The following MED12L variants were observed in gnomAD, a reference collection of about 807,000 sequenced individuals.
MED12L encodes mediator of RNA polymerase II transcription subunit 12-like protein.
In MED12L, 60 loss-of-function variants were observed where a neutral mutation model predicts 281.3. The ratio of observed to expected loss-of-function variants is 0.21; its 90% CI spans 0.17 to 0.26. The LOEUF (loss-of-function observed/expected upper bound fraction) is 0.26. MED12L is among the 10% of genes least tolerant of loss of function. The pLI, the probability that MED12L is intolerant of heterozygous loss-of-function variation, is 1.00. For synonymous variants in MED12L, 974 were observed against 987.2 expected (o/e 0.99, Z 0.25); for missense variants, 2,146 against 2,680.9 (o/e 0.80, Z 4.41).
chr3:151,182,351 AT>A (rs1722806898), intron 11 of MED12L, among the ~76,000 whole-genome samples: 2 of 151,874 alleles, frequency 1.3e-5, no homozygotes, highest in African/African-American at 2.4e-5. Flanking sequence ...GAGTGGCTTT[AT>A]TCATGATGTT....
rs1560160914 is a variant in MED12L at position 151,433,650 on chromosome 3, A to T, written c.*846A>T. On this transcript the variant is annotated 3_prime_UTR_variant, in exon 45 of 45. Transcript: ENST00000687756. ...TTATTGCCAGTTTTGGTTCTCCTGA[A>T]CCTTATGCCACCTTAAGGGGAAAAA... 6.6e-6 allele frequency: 1 copy of T among 152,406 alleles called. No individual in the cohort carries two copies. The allele number at this position is 152,406 out of a possible 1,614,324, so 9.4% of individuals were successfully genotyped here.
Position 151,188,400 on chromosome 3 carries a change from C to T in MED12L, c.1673C>T (p.Ser558Leu). ...EVLDEKESIS[S>L]SSLAGSSLPV... is the part of the protein sequence containing the mutation. ...TTAGATGAGAAGGAGTCTATTTCTTCATCCTCTCTTGCTGGATCCAGTTTG... is the reference window on the plus strand; with the variant it reads ...TTAGATGAGAAGGAGTCTATTTCTTTATCCTCTCTTGCTGGATCCAGTTTG... The change falls in exon 13 of 45, where the codon TCA (serine) becomes TTA (leucine). Residue 558 changes from serine (S) to leucine (L), a missense_variant. Coordinates refer to ENST00000687756, the MANE Select transcript of MED12L (RefSeq NM_001393769.1). The T allele has an allele frequency of 6.2e-7, 1 of 1,611,338 alleles. No individual in the cohort carries two copies.
Position 151,087,016 on chromosome 3 carries a change from G to A in MED12L, c.90G>A (p.Lys30=), listed in dbSNP as rs775096074. Residue 30 remains lysine, a synonymous_variant, in exon 2 of 45, where the codon AAG becomes AAA. Transcript: ENST00000687756. Reference sequence around the variant, plus strand: ...CCGACGTCTACCCACAGGACCCCAAGCAGAAGGAGGTAAGGGCGCCGGCGG... The same window carrying A: ...CCGACGTCTACCCACAGGACCCCAAACAGAAGGAGGTAAGGGCGCCGGCGG... ...GPPDVYPQDP[K]QKEDELTAVN... is the part of the protein sequence containing the mutation. 31 of 1,608,414 alleles carry A rather than the reference G, an allele frequency of 1.9e-5. No homozygotes were observed. Among genetic ancestry groups the A allele is most frequent in the Non-Finnish European group, 2.5e-5 (30 of 1,178,244 alleles).
At chr3:151,119,940 C>T (rs12637362) in intron 3 of MED12L, among the ~76,000 whole-genome samples, 2,454 of 151,704 alleles carry the variant, frequency 0.016, 44 homozygotes, top group African/African-American at 0.049. Context: ...TATTTCTGGC[C>T]GTGTGTGGTG....
At chr3:151,383,422 C>T (rs1217484261) in intron 33 of MED12L, among the ~76,000 whole-genome samples, 1 of 152,172 alleles carries the variant, frequency 6.6e-6, no homozygotes, top group Non-Finnish European at 1.5e-5. Flanking sequence ...CACAAAGATG[C>T]AGATAATTGG....
chr3:151,328,456 A>T, intron 16 of MED12L: 1 of 1,613,904 alleles, frequency 6.2e-7, no homozygotes, highest in Non-Finnish European at 8.5e-7. Context: ...TCAGCCCCAG[A>T]GGCCCCTTTA....
intron 16 of MED12L, among the ~76,000 whole-genome samples, chr3:151,262,836 C>T (rs1739151753): frequency 6.6e-6 from 1 of 152,048 alleles, no homozygotes; most frequent in South Asian, 2.1e-4. Flanking sequence ...AACCTGATAG[C>T]TTCTATATAA....
In MED12L at chr3:151,368,662, T is replaced by TTCATG. The variant is rs796882035; in HGVS notation, c.3550+415_3550+416insGTCAT. Among the ~76,000 whole-genome samples, 218 of 52,358 alleles carry TTCATG rather than the reference T, an allele frequency of 4.2e-3. 4 individuals are homozygous for TTCATG. Among genetic ancestry groups the TTCATG allele is most frequent in the South Asian group, 9.6e-3 (12 of 1,254 alleles). The allele number at this position is 52,358 out of a possible 152,430, so 34.3% of individuals were successfully genotyped here. Reference sequence around the variant, plus strand: ...TTCATTTCATTTCATTTCATTTCATTTCATTTCATTTCATGTCATTTCATT... The same window carrying TTCATG: ...TTCATTTCATTTCATTTCATTTCATTTCATGTCATTTCATTTCATGTCATTTCATT... On this transcript the variant is annotated intron_variant, in intron 25 of 44. Transcript: ENST00000687756.
intron 16 of MED12L, chr3:151,294,756 A>T (rs755121541): frequency 6.2e-7 from 1 of 1,614,190 alleles, no homozygotes; most frequent in Non-Finnish European, 8.5e-7. Context: ...ACCCAAACAC[A>T]AACAGATAAA....
chr3:151,180,095 TA>T (rs1158829226), intron 11 of MED12L, among the ~76,000 whole-genome samples: 1 of 152,234 alleles, frequency 6.6e-6, no homozygotes, highest in East Asian at 1.9e-4. Context: ...CATAACTTTT[TA>T]TAGGCATAAT....
At chr3:151,280,421 C>CT in intron 16 of MED12L, among the ~76,000 whole-genome samples, 1 of 152,292 alleles carries the variant, frequency 6.6e-6, no homozygotes, top group Non-Finnish European at 1.5e-5. Flanking sequence ...CCACCTTTTT[C>CT]TTAATAGACA....
chr3:151,211,520 TG>T (rs1727162059), intron 16 of MED12L, among the ~76,000 whole-genome samples: 1 of 152,212 alleles, frequency 6.6e-6, no homozygotes, highest in Non-Finnish European at 1.5e-5. Context: ...GACCCAGAAT[TG>T]GGAACTATTA....
intron 16 of MED12L, among the ~76,000 whole-genome samples, chr3:151,287,254 C>G (rs1295533319): frequency 2.0e-5 from 3 of 152,174 alleles, no homozygotes; most frequent in African/African-American, 7.2e-5. Context: ...TATTTTTCCT[C>G]TCTCAGATGG....
chr3:151,132,770 C>T (rs964653749), intron 5 of MED12L, among the ~76,000 whole-genome samples: 4 of 152,170 alleles, frequency 2.6e-5, no homozygotes, highest in Non-Finnish European at 5.9e-5. Context: ...TCTTGTTTTA[C>T]TATCACTTTG....
intron 16 of MED12L, among the ~76,000 whole-genome samples, chr3:151,291,282 G>T (rs141304823): frequency 2.7e-5 from 4 of 148,138 alleles, no homozygotes; most frequent in African/African-American, 9.9e-5. Context: ...AAATTTTGAC[G>T]TATTTAAATT....
At chr3:151,134,782 A>C (rs904319339) in intron 5 of MED12L, among the ~76,000 whole-genome samples, 2 of 152,182 alleles carry the variant, frequency 1.3e-5, no homozygotes, top group African/African-American at 4.8e-5. Context: ...AAGTCTGCAG[A>C]GAAATACGTT....
chr3:151,417,723 G>A (rs1312281681), intron 43 of MED12L, among the ~76,000 whole-genome samples: 1 of 151,990 alleles, frequency 6.6e-6, no homozygotes, highest in East Asian at 1.9e-4. Context: ...ACCCACTTTG[G>A]CCTCCCAAAA....
At chr3:151,256,042 C>CA (rs1737753135) in intron 16 of MED12L, among the ~76,000 whole-genome samples, 1 of 152,138 alleles carries the variant, frequency 6.6e-6, no homozygotes, top group Non-Finnish European at 1.5e-5. Flanking sequence ...ACAATGCTTT[C>CA]AAAACTGCAT....
Position 151,394,792 on chromosome 3 carries a change from G to A in MED12L, c.5745G>A (p.Leu1915=). Residue 1915 remains leucine, a synonymous_variant, in exon 39 of 45, where the codon TTG becomes TTA. Transcript: ENST00000687756. ...ATGCAATCACATCGCAGCAGCAGTT[G>A]ATACAGATGAAGCTTCTGCAGCAGC... is the stretch of plus-strand genomic sequence containing the variant. ...SLHAITSQQQ[L]IQMKLLQQQQ... The A allele has an allele frequency of 6.2e-7, 1 of 1,614,174 alleles. No individual in the cohort carries two copies. Among genetic ancestry groups the A allele is most frequent in the Non-Finnish European group, 8.5e-7 (1 of 1,180,010 alleles).
Sources: gnomAD v4.1 joint callset for allele counts (sites outside exome capture counted in the v4.1 genomes callset) on GRCh38, gnomAD v4.1.1 for gene constraint, MANE v1.5 for transcripts, NCBI Gene and HGNC (gene_info 2026-07-23, HGNC 2026-07-21) for gene names.